PLPP7: variants seen among roughly 807,000 people sequenced by gnomAD.
PLPP7 encodes the protein inactive phospholipid phosphatase 7.
Under a neutral mutation model 16.9 loss-of-function variants are expected in PLPP7, and 11 were observed. The observed-to-expected ratio is 0.65, with a 90% confidence interval of 0.41 to 1.08. The LOEUF (loss-of-function observed/expected upper bound fraction) is 1.08. PLPP7 is among the 50% of genes least tolerant of loss of function. The pLI is 0.00. For synonymous variants in PLPP7, 174 were observed against 175.1 expected, an observed-to-expected ratio of 0.99 and a Z score of 0.05; for missense variants, 358 against 397.1, an observed-to-expected ratio of 0.90 and a Z score of 0.84.
intron 1 of PLPP7, among the ~76,000 whole-genome samples, chr9:131,306,125 T>C (rs1014338887): frequency 6.6e-6 from 1 of 152,028 alleles, no homozygotes; most frequent in Non-Finnish European, 1.5e-5. Context: ...TAGTCCCAGC[T>C]ACTCAGGAGG....
chr9:131,301,813 CTTTTTTT>C (rs59151233), intron 1 of PLPP7, among the ~76,000 whole-genome samples: 2 of 114,758 alleles, frequency 1.7e-5, no homozygotes, highest in Non-Finnish European at 1.8e-5. Context: ...GGAACTTGTT[CTTTTTTT>C]TTTTTTTTTT....
chr9:131,290,280 C>A lies in PLPP7; in HGVS notation c.283C>A (p.Arg95=), dbSNP rs146871462. 28 of 1,612,244 alleles carry A rather than the reference C, an allele frequency of 1.7e-5. No homozygotes were observed. In the African/African-American group the frequency reaches 3.5e-4, roughly 20 times the overall value. The change falls in exon 1 of 2, where the codon CGG becomes AGG. Residue 95 remains arginine, a synonymous_variant. Coordinates refer to ENST00000372264, the MANE Select transcript of PLPP7 (RefSeq NM_032728.4). The surrounding 1 kb of genome is among the most constrained non-coding windows in gnomAD (Gnocchi z 4.2). ...GGCCATCGATATCTGTATGTCCAAG[C>A]GGCTGGGGGTGTGCGCTGGCCGGGC... ...LLAIDICMSK[R]LGVCAGRAAS... is the part of the protein sequence containing the mutation.
chr9:131,291,269 G>C (rs965207135), intron 1 of PLPP7: 41 of 1,289,826 alleles, frequency 3.2e-5, no homozygotes, highest in Non-Finnish European at 3.8e-5. Flanking sequence ...CGCCAGGCCC[G>C]CATCGATTTC....
chr9:131,299,810 C>T (rs1379598053), intron 1 of PLPP7, among the ~76,000 whole-genome samples: 1 of 152,210 alleles, frequency 6.6e-6, no homozygotes, highest in Non-Finnish European at 1.5e-5. Flanking sequence ...CCTGAAATAC[C>T]CAAGAACCGG....
At chr9:131,291,259 C>G in intron 1 of PLPP7, 1 of 1,317,254 alleles carries the variant, frequency 7.6e-7, no homozygotes, top group South Asian at 1.2e-5. Context: ...CCACCCTCCA[C>G]GCCAGGCCCG....
intron 1 of PLPP7, among the ~76,000 whole-genome samples, chr9:131,305,555 GTC>G (rs1482460900): frequency 1.3e-5 from 2 of 151,814 alleles, no homozygotes; most frequent in African/African-American, 2.4e-5. Flanking sequence ...CACCATCTCT[GTC>G]TCTCTGTTTC....
At chr9:131,307,551 C>CAAAAAA (rs57469502) in intron 1 of PLPP7, among the ~76,000 whole-genome samples, 22 of 60,560 alleles carry the variant, frequency 3.6e-4, no homozygotes, top group African/African-American at 1.2e-3. Flanking sequence ...AACTCTGTCT[C>CAAAAAA]AAAAAAAAAA....
intron 1 of PLPP7, among the ~76,000 whole-genome samples, chr9:131,299,504 A>G (rs567394): frequency 0.67 from 101,921 of 151,796 alleles, 35,054 homozygotes; most frequent in Middle Eastern, 0.78. Flanking sequence ...CTGGAGGAGG[A>G]AGAGAGGCCC....
intron 1 of PLPP7, among the ~76,000 whole-genome samples, chr9:131,296,054 G>A (rs986622735): frequency 6.6e-6 from 1 of 152,110 alleles, no homozygotes; most frequent in African/African-American, 2.4e-5. Context: ...GTAATTTTGT[G>A]TTGACTTGTT....
intron 1 of PLPP7, among the ~76,000 whole-genome samples, chr9:131,299,184 C>T (rs1179757146): frequency 6.9e-6 from 1 of 145,362 alleles, no homozygotes; most frequent in Admixed American, 7.0e-5. Context: ...TTTCTGGAGC[C>T]TGAGTGCGCC....
chr9:131,308,425 T>A lies in PLPP7; in HGVS notation c.*138T>A. ...CCACCCCCACCTCATCTTCCCCTCC[T>A]GGCTGGAGGCTGGCGAACCCAGGCC... is the stretch of plus-strand genomic sequence containing the variant. On this transcript the variant is annotated 3_prime_UTR_variant, in exon 2 of 2. Coordinates refer to ENST00000372264, the MANE Select transcript of PLPP7 (RefSeq NM_032728.4). 7.3e-7 allele frequency: 1 copy of A among 1,369,182 alleles called. No homozygotes were observed. The highest frequency in any genetic ancestry group is 9.6e-7 in the Non-Finnish European group (1 of 1,039,694). The allele number at this position is 1,369,182 out of a possible 1,614,324, so 84.8% of individuals were successfully genotyped here.
intron 1 of PLPP7, among the ~76,000 whole-genome samples, chr9:131,306,853 G>A (rs1033772320): frequency 2.6e-5 from 4 of 152,170 alleles, no homozygotes; most frequent in Non-Finnish European, 5.9e-5. Flanking sequence ...AGAGAGAGGA[G>A]GTGGCTGCTG....
Position 131,305,834 on chromosome 9 carries a change from G to T in PLPP7, c.452-2089G>T, listed in dbSNP as rs930207372. On this transcript the variant is annotated intron_variant, in intron 1 of 1. Transcript: ENST00000372264. Reference sequence around the variant, plus strand: ...TGTACAAACAGGGTTTTGCCATGTTGCCCAGGCTAGTCTCGGACTCCTGGG... The same window carrying T: ...TGTACAAACAGGGTTTTGCCATGTTTCCCAGGCTAGTCTCGGACTCCTGGG... Among the ~76,000 whole-genome samples, 6 of 152,072 alleles carry T rather than the reference G, an allele frequency of 3.9e-5. 1 individual carries two copies. The South Asian group carries it at 1.2e-3, about 31-fold the overall frequency.
chr9:131,290,932 C>G lies in PLPP7; in HGVS notation c.451+484C>G, dbSNP rs1266714429. ...CGCCTCGGTTCAGGAACCGGGAAAG[C>G]TGCCCAGGCTTCTTCCCCAGGGTCT... On this transcript the variant is annotated intron_variant, in intron 1 of 1. Coordinates refer to ENST00000372264, the MANE Select transcript of PLPP7 (RefSeq NM_032728.4). The surrounding 1 kb of genome is among the most constrained non-coding windows in gnomAD (Gnocchi z 4.2). Among the ~76,000 whole-genome samples the G allele has an allele frequency of 1.3e-5, 2 of 152,172 alleles. No individual in the cohort carries two copies. Among genetic ancestry groups the G allele is most frequent in the Non-Finnish European group, 2.9e-5 (2 of 68,008 alleles).
At chr9:131,291,402 G>T in intron 1 of PLPP7, 1 of 1,157,362 alleles carries the variant, frequency 8.6e-7, no homozygotes, top group East Asian at 6.0e-5. Context: ...GAGAACATCA[G>T]TTCCAGAGGA....
chr9:131,296,571 A>C (rs542838711), intron 1 of PLPP7, among the ~76,000 whole-genome samples: 194 of 152,318 alleles, frequency 1.3e-3, no homozygotes, highest in Non-Finnish European at 1.7e-3. Flanking sequence ...TCTTGTAGTA[A>C]GAAAAAATGC....
chr9:131,290,956 C>A lies in PLPP7; in HGVS notation c.451+508C>A, dbSNP rs992190559. The stretch of plus-strand genomic sequence containing the variant: ...GCTGCCCAGGCTTCTTCCCCAGGGT[C>A]TGGGGACCCAGGGAGTTCCCCTGGG... On this transcript the variant is annotated intron_variant, in intron 1 of 1. Coordinates refer to ENST00000372264, the MANE Select transcript of PLPP7 (RefSeq NM_032728.4). This position sits in a 1 kb window ranked among gnomAD's most constrained non-coding sequence, Gnocchi z 4.2. Among the ~76,000 whole-genome samples, 4 of 152,184 alleles carry A rather than the reference C, an allele frequency of 2.6e-5. No homozygotes were observed. Among genetic ancestry groups the A allele is most frequent in the Non-Finnish European group, 4.4e-5 (3 of 68,010 alleles).
At chr9:131,293,464 T>C (rs981305707) in intron 1 of PLPP7, among the ~76,000 whole-genome samples, 2 of 152,030 alleles carry the variant, frequency 1.3e-5, no homozygotes, top group Non-Finnish European at 2.9e-5. Flanking sequence ...CTCGGCTTGG[T>C]GGGAGAAAAT....
intron 1 of PLPP7, among the ~76,000 whole-genome samples, chr9:131,306,924 T>C (rs1365063959): frequency 1.3e-5 from 2 of 152,158 alleles, no homozygotes; most frequent in Non-Finnish European, 2.9e-5. Context: ...CTGTACAAGA[T>C]GTAAATTTTG....
Sources: allele counts gnomAD v4.1 joint callset (sites outside exome capture counted in the v4.1 genomes callset), GRCh38; gene constraint gnomAD v4.1.1; non-coding constraint Gnocchi (gnomAD v3.1); transcripts MANE v1.5; gene names NCBI Gene and HGNC (gene_info 2026-07-23, HGNC 2026-07-21).